The following DAB1 variants were observed in gnomAD, a reference collection of about 807,000 sequenced individuals.
DAB1 encodes DAB adaptor protein 1.
Under a neutral mutation model 64.6 loss-of-function variants are expected in DAB1, and 15 were observed. The observed-to-expected ratio is 0.23, with a 90% CI of 0.16 to 0.36. The LOEUF (loss-of-function observed/expected upper bound fraction) is 0.36. Ranked by LOEUF, DAB1 falls within the 10% of genes least tolerant of loss-of-function variation. DAB1 has a pLI of 1.00. For missense variants in DAB1, 596 were observed against 706.7 expected (o/e 0.84, Z 1.78); for synonymous variants, 235 against 251.9 (o/e 0.93, Z 0.64).
chr1:58,323,234 TATAATAATAATA>T (rs146067591), intron 4 of DAB1, among the ~76,000 whole-genome samples: 23 of 145,906 alleles, frequency 1.6e-4, no homozygotes, highest in Non-Finnish European at 2.6e-4. Flanking sequence ...GAACTTAAAG[TATAATAATAATA>T]ATAATAATAA....
intron 7 of DAB1, among the ~76,000 whole-genome samples, chr1:57,462,002 C>G (rs1005748724): frequency 7.4e-6 from 1 of 134,928 alleles, no homozygotes; most frequent in African/African-American, 2.8e-5. Flanking sequence ...CCCCCAGGCT[C>G]GAGTGCAATG....
At chr1:58,109,289 C>A (rs149751604) in intron 5 of DAB1, among the ~76,000 whole-genome samples, 2 of 152,254 alleles carry the variant, frequency 1.3e-5, no homozygotes, top group East Asian at 1.9e-4. Flanking sequence ...CAGTGTGAGG[C>A]ATGAAAGAAC....
intron 4 of DAB1, among the ~76,000 whole-genome samples, chr1:58,302,968 C>T (rs1029141006): frequency 1.3e-5 from 2 of 152,058 alleles, no homozygotes; most frequent in Admixed American, 6.6e-5. Flanking sequence ...CAGATCTGTT[C>T]CCCACCTTTC....
chr1:57,464,429 C>T (rs1686888305), intron 7 of DAB1, among the ~76,000 whole-genome samples: 1 of 152,174 alleles, frequency 6.6e-6, no homozygotes. Context: ...TCCTACTACA[C>T]TACCTCTCAC....
intron 7 of DAB1, among the ~76,000 whole-genome samples, chr1:57,476,617 G>A (rs969167125): frequency 3.3e-5 from 5 of 152,176 alleles, no homozygotes; most frequent in South Asian, 2.1e-4. Context: ...TGCTTTCAGC[G>A]TGCTGCACAT....
intron 1 of DAB1, chr1:57,862,877 T>C (rs759837612): frequency 3.3e-5 from 5 of 152,182 alleles, no homozygotes; most frequent in Non-Finnish European, 5.9e-5. Context: ...CAGTAACTTT[T>C]TAAACAGTTG....
intron 4 of DAB1, among the ~76,000 whole-genome samples, chr1:57,123,538 A>G (rs990513769): frequency 6.6e-6 from 1 of 152,276 alleles, no homozygotes; most frequent in East Asian, 1.9e-4. Flanking sequence ...TTAGAATATA[A>G]TTTGATCAAA....
At chr1:57,636,228 G>A (rs895728765) in intron 7 of DAB1, among the ~76,000 whole-genome samples, 2 of 152,064 alleles carry the variant, frequency 1.3e-5, no homozygotes, top group African/African-American at 4.8e-5. Context: ...GTGAGAAGGC[G>A]GCTCCCTACA....
chr1:57,189,800 T>C (rs1663950818), intron 2 of DAB1, among the ~76,000 whole-genome samples: 1 of 148,824 alleles, frequency 6.7e-6, no homozygotes, highest in South Asian at 2.1e-4. Context: ...CATGGCCAGC[T>C]CTGAGAAGCC....
chr1:58,120,155 T>G (rs949032734), intron 5 of DAB1, among the ~76,000 whole-genome samples: 1 of 152,126 alleles, frequency 6.6e-6, no homozygotes, highest in East Asian at 1.9e-4. Context: ...TCCTGTGTGG[T>G]TTGGGGTAAA....
At chr1:57,276,428 G>A (rs2100611046) in intron 2 of DAB1, among the ~76,000 whole-genome samples, 1 of 152,314 alleles carries the variant, frequency 6.6e-6, no homozygotes, top group Non-Finnish European at 1.5e-5. Context: ...GTAGGCCAAA[G>A]GCCAATGAAT....
chr1:58,103,007 C>T (rs1651413619), intron 5 of DAB1, among the ~76,000 whole-genome samples: 1 of 152,066 alleles, frequency 6.6e-6, no homozygotes, highest in South Asian at 2.1e-4. Flanking sequence ...CTGTTTGGAT[C>T]TTATGGGGTG....
At chr1:57,055,322 G>A (rs1004593203) in intron 9 of DAB1, among the ~76,000 whole-genome samples, 1 of 152,166 alleles carries the variant, frequency 6.6e-6, no homozygotes, top group African/African-American at 2.4e-5. Flanking sequence ...GAACAAATCT[G>A]CTAGAAAGAC....
intron 2 of DAB1, among the ~76,000 whole-genome samples, chr1:57,237,297 T>A (rs1668163121): frequency 6.6e-6 from 1 of 152,196 alleles, no homozygotes; most frequent in African/African-American, 2.4e-5. Flanking sequence ...CCTGTCCCCA[T>A]GGGGAGACAA....
intron 1 of DAB1, among the ~76,000 whole-genome samples, chr1:57,838,655 T>G (rs1489987198): frequency 6.6e-6 from 1 of 152,204 alleles, no homozygotes; most frequent in Non-Finnish European, 1.5e-5. Context: ...ACCATACCAC[T>G]TCAGACCAAA....
chr1:58,089,367 A>G (rs10889083), intron 5 of DAB1, among the ~76,000 whole-genome samples: 42,466 of 152,226 alleles, frequency 0.28, 7,427 homozygotes, highest in East Asian at 0.49. Flanking sequence ...TTACGAGTAC[A>G]TGGCATTTTC....
At chr1:58,191,217 C>A (rs1330836111) in intron 4 of DAB1, among the ~76,000 whole-genome samples, 1 of 152,138 alleles carries the variant, frequency 6.6e-6, no homozygotes, top group Non-Finnish European at 1.5e-5. Flanking sequence ...CTAATATTTA[C>A]TGAGCACTTA....
intron 5 of DAB1, among the ~76,000 whole-genome samples, chr1:57,906,878 C>A (rs1343090230): frequency 6.6e-6 from 1 of 151,724 alleles, no homozygotes; most frequent in East Asian, 1.9e-4. Context: ...GATGTGTATG[C>A]ACATAGGCAA....
At chr1:57,478,151 A>C (rs945024236) in intron 7 of DAB1, among the ~76,000 whole-genome samples, 1 of 150,300 alleles carries the variant, frequency 6.7e-6, no homozygotes, top group Admixed American at 6.6e-5. Context: ...ACAAAGATTT[A>C]TCTGGGGCTA....
Sources: gnomAD v4.1 joint callset for allele counts (sites outside exome capture counted in the v4.1 genomes callset) on GRCh38, gnomAD v4.1.1 for gene constraint, MANE v1.5 for transcripts, NCBI Gene and HGNC (gene_info 2026-07-23, HGNC 2026-07-21) for gene names.